Variants in BCR observed in about 807,000 individuals in gnomAD.
BCR encodes the protein breakpoint cluster region protein.
BCR carries 58 observed loss-of-function variants against 138.6 expected under a neutral mutation model. That is an observed-to-expected ratio of 0.42 (90% CI 0.34 to 0.52). BCR has a LOEUF of 0.52. Ranked by LOEUF, BCR falls within the 20% of genes least tolerant of loss-of-function variation. BCR has a pLI of 0.06. For missense variants in BCR, 1,599 were observed against 1,727.2 expected, an observed-to-expected ratio of 0.93 and a Z score of 1.32; for synonymous variants, 786 against 730.1, an observed-to-expected ratio of 1.08 and a Z score of -1.23.
chr22:23,233,579 A>G (rs1037878379), intron 1 of BCR, among the ~76,000 whole-genome samples: 4 of 152,126 alleles, frequency 2.6e-5, no homozygotes, highest in Non-Finnish European at 5.9e-5. Context: ...TTTGAGGTCA[A>G]GAGTTCGAGA....
chr22:23,303,519 G>T (rs979935924), intron 16 of BCR, among the ~76,000 whole-genome samples: 2 of 152,246 alleles, frequency 1.3e-5, no homozygotes, highest in South Asian at 4.1e-4. Flanking sequence ...TGTGGCAGAG[G>T]CACCAATAGG....
At chr22:23,284,149 C>T in intron 9 of BCR, 51 bp downstream of exon 9, 1 of 1,605,180 alleles carries the variant, frequency 6.2e-7, no homozygotes, top group Non-Finnish European at 8.5e-7. Context: ...CCTGACTCTC[C>T]AGGTCATGGA....
Position 23,181,015 on chromosome 22 carries a change from G to T in BCR, c.55G>T (p.Glu19Ter). The T allele has an allele frequency of 6.7e-7, 1 of 1,490,554 alleles. No individual in the cohort carries two copies. The allele number at this position is 1,490,554 out of a possible 1,614,324, so 92.3% of individuals were successfully genotyped here. A position where few individuals can be genotyped will look rare whatever the true frequency, so the allele number is the denominator to read the frequency against. Residue 19 changes from glutamate to a stop codon, truncating the protein, a stop_gained, in exon 1 of 23, where the codon GAG (glutamate) becomes TAG (stop). Transcript: ENST00000305877. LOFTEE classifies it high-confidence loss of function. ...EAWKAQFPDS[E>*]PPRMELRSVG... Reference sequence around the variant, plus strand: ...GTGGAAGGCGCAGTTCCCGGACTCAGAGCCCCCGCGCATGGAGCTGCGCTC... The same window carrying T: ...GTGGAAGGCGCAGTTCCCGGACTCATAGCCCCCGCGCATGGAGCTGCGCTC...
intron 4 of BCR, chr22:23,263,243 C>A: frequency 9.5e-7 from 1 of 1,048,466 alleles, no homozygotes; most frequent in Non-Finnish European, 1.4e-6. Context: ...TGCTGCTGCA[C>A]ATGTGCTCCT....
At chr22:23,230,235 G>A (rs191675309) in intron 1 of BCR, among the ~76,000 whole-genome samples, 136 of 152,238 alleles carry the variant, frequency 8.9e-4, no homozygotes, top group African/African-American at 3.2e-3. Flanking sequence ...CATGATAGAG[G>A]TTTCATGCAG....
At chr22:23,241,299 C>T (rs1480524192) in intron 1 of BCR, among the ~76,000 whole-genome samples, 5 of 152,300 alleles carry the variant, frequency 3.3e-5, no homozygotes, top group East Asian at 1.9e-4. Context: ...GGGTGGTGAC[C>T]GCCAGCAGGG....
chr22:23,258,693 G>A (rs1218326671), intron 2 of BCR, among the ~76,000 whole-genome samples: 3 of 152,166 alleles, frequency 2.0e-5, no homozygotes, highest in Non-Finnish European at 2.9e-5. Flanking sequence ...ACTCACATAC[G>A]ATAGGTAGAG....
Position 23,313,206 on chromosome 22 carries a change from C to T in BCR, c.3457+185C>T, listed in dbSNP as rs146397574. On this transcript the variant is annotated intron_variant, in intron 20 of 22. Coordinates refer to ENST00000305877, the MANE Select transcript of BCR (RefSeq NM_004327.4). ...CCTGTCCTGGAAGGCCTTGCCCATC[C>T]CTAGAGGGCTCCCTGTCCCTACTCC... Among the ~76,000 whole-genome samples the T allele has an allele frequency of 5.4e-3, 824 of 152,302 alleles. 7 individuals carry two copies. The highest frequency in any genetic ancestry group is 0.019 in the African/African-American group (784 of 41,562).
rs553435930 is a variant in BCR at position 23,264,035 on chromosome 22, C to T, written c.1752+2495C>T. The T allele has an allele frequency of 9.7e-5, 93 of 961,876 alleles. No individual in the cohort carries two copies. The African/African-American group carries it at 1.0e-3, about 11-fold the overall frequency. 59.6% of individuals were successfully genotyped at this position (961,876 alleles called of 1,614,324 possible). Reference sequence around the variant, plus strand: ...TGGATGTCATATATGAGTCCCCTTTCGCACTGCTCTCCTGTGGCTATGACA... The same window carrying T: ...TGGATGTCATATATGAGTCCCCTTTTGCACTGCTCTCCTGTGGCTATGACA... On this transcript the variant is annotated intron_variant, in intron 4 of 22. Transcript: ENST00000305877.
At chr22:23,223,171 T>TG (rs2072846797) in intron 1 of BCR, among the ~76,000 whole-genome samples, 1 of 152,056 alleles carries the variant, frequency 6.6e-6, no homozygotes, top group Non-Finnish European at 1.5e-5. Context: ...AGAGCTTTGG[T>TG]GGGGGGTACA....
Position 23,263,265 on chromosome 22 carries a change from C to T in BCR, c.1752+1725C>T, listed in dbSNP as rs188710086. ...GCACATGTGCTCCTACCTCGACATGCGGGCCCTCGGCCGCCTGGCCCAGGT... is the reference window on the plus strand; with the variant it reads ...GCACATGTGCTCCTACCTCGACATGTGGGCCCTCGGCCGCCTGGCCCAGGT... On this transcript the variant is annotated intron_variant, in intron 4 of 22. Transcript: ENST00000305877. The T allele has an allele frequency of 9.5e-5, 103 of 1,088,618 alleles. No homozygotes were observed. The African/African-American group carries it at 1.2e-3, about 13-fold the overall frequency. The allele number at this position is 1,088,618 out of a possible 1,614,324, so 67.4% of individuals were successfully genotyped here. A position where few individuals can be genotyped will look rare whatever the true frequency, so the allele number is the denominator to read the frequency against.
intron 1 of BCR, among the ~76,000 whole-genome samples, chr22:23,228,742 C>T (rs780984780): frequency 2.0e-5 from 3 of 152,120 alleles, no homozygotes; most frequent in African/African-American, 2.4e-5. Context: ...CCTTATTCTC[C>T]TGTATGTAAT....
At chr22:23,236,594 A>G (rs1373373215) in intron 1 of BCR, among the ~76,000 whole-genome samples, 8 of 152,172 alleles carry the variant, frequency 5.3e-5, no homozygotes, top group Admixed American at 5.2e-4. Context: ...TACAGGGAGG[A>G]GTCATGTGGG....
chr22:23,246,922 G>C (rs1351221191), intron 1 of BCR, among the ~76,000 whole-genome samples: 1 of 152,108 alleles, frequency 6.6e-6, no homozygotes, highest in Admixed American at 6.5e-5. Flanking sequence ...CTCGAGGGTA[G>C]AGTCTGCTCT....
intron 16 of BCR, among the ~76,000 whole-genome samples, chr22:23,309,019 A>G (rs28465412): frequency 0.11 from 16,423 of 151,742 alleles, 912 homozygotes; most frequent in Middle Eastern, 0.16. Flanking sequence ...AGTGTCCACA[A>G]TTCCCCAGAC....
At chr22:23,210,425 A>AAG (rs1164704166) in intron 1 of BCR, among the ~76,000 whole-genome samples, 1 of 151,970 alleles carries the variant, frequency 6.6e-6, no homozygotes, top group African/African-American at 2.4e-5. Flanking sequence ...TCAAAAAGAA[A>AAG]AAAAAAAAAA....
chr22:23,305,316 C>T (rs552717857), intron 16 of BCR, among the ~76,000 whole-genome samples: 1 of 152,280 alleles, frequency 6.6e-6, no homozygotes, highest in South Asian at 2.1e-4. Flanking sequence ...GCTGGACCAT[C>T]CAGGCTGGTG....
chr22:23,251,763 G>A (rs1199606967), intron 1 of BCR, among the ~76,000 whole-genome samples: 1 of 152,228 alleles, frequency 6.6e-6, no homozygotes, highest in African/African-American at 2.4e-5. Flanking sequence ...CATGGTGAGA[G>A]TGACGTCACC....
chr22:23,254,609 G>T, intron 2 of BCR: 1 of 518,896 alleles, frequency 1.9e-6, no homozygotes, highest in Non-Finnish European at 3.8e-6. Context: ...CTGGTTGCAG[G>T]CTGGATGGTG....
Sources: gnomAD v4.1 joint callset for allele counts (sites outside exome capture counted in the v4.1 genomes callset) on GRCh38, gnomAD v4.1.1 for gene constraint, MANE v1.5 for transcripts, NCBI Gene and HGNC (gene_info 2026-07-23, HGNC 2026-07-21) for gene names.